Variants in TTN observed in about 807,000 individuals in gnomAD.
TTN encodes titin.
In TTN, 1,525 loss-of-function variants were observed where a neutral mutation model predicts 3,223.0. The observed-to-expected ratio is 0.47, with a 90% CI of 0.45 to 0.49. The LOEUF is 0.49. Among genes scored for constraint, TTN ranks in the 20% least tolerant of loss-of-function variants. TTN has a pLI of 0.00. For missense variants in TTN, 40,786 were observed against 43,424.0 expected (o/e 0.94, Z 5.40); for synonymous variants, 14,094 against 15,161.0 (o/e 0.93, Z 5.17).
intron 110 of TTN, 133 bp downstream of exon 110, chr2:178,701,395 C>G: frequency 9.6e-7 from 1 of 1,041,730 alleles, no homozygotes; most frequent in Non-Finnish European, 1.4e-6. Flanking sequence ...TCTAATTGCT[C>G]ACTGAAGAAT....
At position 178,664,028 on chromosome 2, in the gene TTN, G is replaced by C. The variant is rs1402566740; in HGVS notation, c.36351C>G (p.Val12117=). The change falls in exon 169 of 363, where the codon GTC becomes GTG. Residue 12117 remains valine (V), a synonymous_variant. Transcript: ENST00000589042. ...VSVVPPKKPE[V]PPVKVPEASK... The stretch of plus-strand genomic sequence containing the variant: ...AGTGACAAATACCTTTAACAGGTGG[G>C]ACTTCAGGCTTTTTAGGAGGCACCA... 6.2e-7 allele frequency: 1 copy of C among 1,613,222 alleles called. No individual in the cohort carries two copies. Among genetic ancestry groups the C allele is most frequent in the Non-Finnish European group, 8.5e-7 (1 of 1,179,708 alleles).
At position 178,717,151 on chromosome 2, in the gene TTN, C is replaced by T. The variant is rs1364963458; in HGVS notation, c.25583G>A (p.Cys8528Tyr). The stretch of plus-strand genomic sequence containing the variant: ...TTTTCCAGCGATGTTGCTTGCATAG[C>T]AGGTGTACTGCCCGGCATCGCCTTT... ...VGKGDAGQYT[C>Y]YASNIAGKDS... Residue 8528 changes from cysteine to tyrosine, a missense_variant, in exon 88 of 363, where the codon TGC (cysteine) becomes TAC (tyrosine). Coordinates refer to ENST00000589042, the MANE Select transcript of TTN (RefSeq NM_001267550.2). 6 of 1,613,576 alleles carry T rather than the reference C, an allele frequency of 3.7e-6. No homozygotes were observed. The highest frequency in any genetic ancestry group is 5.1e-6 in the Non-Finnish European group (6 of 1,179,622).
At position 178,611,154 on chromosome 2, in the gene TTN, C is replaced by A. The variant is rs1280875443; in HGVS notation, c.50975G>T (p.Gly16992Val). The change falls in exon 270 of 363, where the codon GGC (glycine) becomes GTC (valine). Residue 16992 changes from glycine to valine, a missense_variant. Gly to Val is a moderately radical substitution (Grantham distance 109). Coordinates refer to ENST00000589042, the MANE Select transcript of TTN (RefSeq NM_001267550.2). Reference sequence around the variant, plus strand: ...TCTATCACTTGCTTTAACTTCTTTGCCATCTTTATGCCAACTAACAGTTGG... The same window carrying A: ...TCTATCACTTGCTTTAACTTCTTTGACATCTTTATGCCAACTAACAGTTGG... ...PVPTVSWHKD[G>V]KEVKASDRLT... 1 of 1,612,734 alleles carries A rather than the reference C, an allele frequency of 6.2e-7. No individual in the cohort carries two copies. The highest frequency in any genetic ancestry group is 2.2e-5 in the East Asian group (1 of 44,624).
In TTN at chr2:178,620,349, G is replaced by A. The variant is rs775807236; in HGVS notation, c.46172C>T (p.Thr15391Ile). 5.6e-6 allele frequency: 9 copies of A among 1,604,308 alleles called. No homozygotes were observed. In the Middle Eastern group the frequency reaches 6.7e-4, roughly 119 times the overall value. Residue 15391 changes from threonine to isoleucine, a missense_variant, in exon 248 of 363, where the codon ACA (threonine) becomes ATA (isoleucine). Coordinates refer to ENST00000589042, the MANE Select transcript of TTN (RefSeq NM_001267550.2). ...ATCTTCCAAGTGTTCCACAAATTCT[G>A]TCGGGGCTTCTATGATGAGAAGCTC... ...VAELLIIEAP[T>I]EFVEHLEDQT...
At chr2:178,800,873 C>T (rs1479205662) in intron 3 of TTN, among the ~76,000 whole-genome samples, 191 bp from the exon 4 acceptor site, 5 of 152,244 alleles carry the variant, frequency 3.3e-5, no homozygotes, top group Non-Finnish European at 7.3e-5. Context: ...AGAAGGCTTT[C>T]TCACCACCAT....
chr2:178,685,480 C>T (rs1221738386), intron 128 of TTN, 38 bp downstream of exon 128: 1 of 1,578,868 alleles, frequency 6.3e-7, no homozygotes, highest in Admixed American at 1.8e-5. Flanking sequence ...AGGAGACAAG[C>T]TAACATAGGG....
chr2:178,686,113 A>ATTTTTTTTTTTT lies in TTN; in HGVS notation c.32312-527_32312-516dup, dbSNP rs765570520. 8.2e-4 allele frequency among the ~76,000 whole-genome samples: 64 copies of ATTTTTTTTTTTT among 77,802 alleles called. 9 individuals carry two copies. Among genetic ancestry groups the ATTTTTTTTTTTT allele is most frequent in the African/African-American group, 4.0e-3 (61 of 15,090 alleles). 51.0% of individuals were successfully genotyped at this position (77,802 alleles called of 152,430 possible). On this transcript the variant is annotated intron_variant, in intron 127 of 362. Transcript: ENST00000589042. The stretch of plus-strand genomic sequence containing the variant: ...TTGAGCCTAAGTGTATACAGTTTTA[A>ATTTTTTTTTTTT]TTTTTTTTTTTTTTTTTTTTTTTTT...
At chr2:178,726,194 T>C in intron 69 of TTN, 148 bp from the exon 70 acceptor site, 1 of 918,282 alleles carries the variant, frequency 1.1e-6, no homozygotes, top group South Asian at 2.8e-5. Context: ...GATAACAGCC[T>C]CAGAAGCCAT....
In TTN at chr2:178,621,615, A is replaced by G; in HGVS notation, c.45209T>C (p.Ile15070Thr). The change falls in exon 245 of 363, where the codon ATC becomes ACC. Residue 15070 changes from isoleucine (I) to threonine (T), a missense_variant. Coordinates refer to ENST00000589042, the MANE Select transcript of TTN (RefSeq NM_001267550.2). ...TATTTCATATCTTCCTGTTTCAATG[A>G]TCTCCTCATCCCCTTTATACCAAAT... ...EVIWYKGDEE[I>T]IETGRYEILT... is the part of the protein sequence containing the mutation. The G allele has an allele frequency of 6.2e-7, 1 of 1,612,412 alleles. No individual in the cohort carries two copies. Among genetic ancestry groups the G allele is most frequent in the Non-Finnish European group, 8.5e-7 (1 of 1,179,082 alleles).
At position 178,632,567 on chromosome 2, in the gene TTN, T is replaced by G; in HGVS notation, c.43439A>C (p.Glu14480Ala). The change falls in exon 235 of 363, where the codon GAA becomes GCA. Residue 14480 changes from glutamate (E) to alanine (A), a missense_variant. Physicochemically the swap from Glu to Ala is moderately radical, Grantham distance 107. Transcript: ENST00000589042. ...GCCACTTGTGTGCTTATCTTCAGCT[T>G]CAAACATGTATTTTGCTTCATCTTC... ...AFEDEAKYMF[E>A]AEDKHTSGKL... 6.2e-7 allele frequency: 1 copy of G among 1,613,408 alleles called. No individual in the cohort carries two copies. Among genetic ancestry groups the G allele is most frequent in the Non-Finnish European group, 8.5e-7 (1 of 1,179,564 alleles).
chr2:178,580,384 T>G lies in TTN; in HGVS notation c.66995A>C (p.Tyr22332Ser), dbSNP rs1481543528. Residue 22332 changes from tyrosine to serine, a missense_variant, in exon 317 of 363, where the codon TAT becomes TCT. By Grantham distance (144) the Tyr-to-Ser change is moderately radical. Transcript: ENST00000589042. ...ENVNKYDAGK[Y>S]ILTLENSCGK... ...ACAGCTGTTCTCCAGGGTTAAGATA[T>G]ATTTTCCTGCATCATATTTGTTCAC... The G allele has an allele frequency of 6.2e-7, 1 of 1,613,290 alleles. No homozygotes were observed. Among genetic ancestry groups the G allele is most frequent in the East Asian group, 2.2e-5 (1 of 44,788 alleles).
Position 178,547,805 on chromosome 2 carries a change from G to T in TTN, c.93821C>A (p.Thr31274Asn). 6.2e-7 allele frequency: 1 copy of T among 1,613,866 alleles called. No individual in the cohort carries two copies. The highest frequency in any genetic ancestry group is 8.5e-7 in the Non-Finnish European group (1 of 1,179,842). The part of the protein sequence containing the change: ...ITTTKDRTTL[T>N]VKDSMRGDSG... ...GTCACCTCTCATGCTGTCCTTTACA[G>T]TCAGTGTGGTTCTGTCTTTTGTTGT... Residue 31274 changes from threonine (T) to asparagine (N), a missense_variant, in exon 339 of 363, where the codon ACT becomes AAT. Transcript: ENST00000589042.
At position 178,645,994 on chromosome 2, in the gene TTN, A is replaced by C; in HGVS notation, c.40334T>G (p.Leu13445Arg). Residue 13445 changes from leucine to arginine, a missense_variant, in exon 217 of 363, where the codon CTC becomes CGC. Leu to Arg is a moderately radical substitution (Grantham distance 102). Coordinates refer to ENST00000589042, the MANE Select transcript of TTN (RefSeq NM_001267550.2). ...EPEKVIEKPK[L>R]KPRPPPPPPA... ...TGGAGGAGGTGGGGGTCTTGGTTTG[A>C]GTTTTGGCTTCTCAATAACCTTTTC... is the stretch of plus-strand genomic sequence containing the variant. 7.0e-6 allele frequency: 11 copies of C among 1,581,808 alleles called. No homozygotes were observed. The highest frequency in any genetic ancestry group is 9.4e-6 in the Non-Finnish European group (11 of 1,167,310).
At chr2:178,769,562 C>G (rs1273507912) in intron 37 of TTN, 117 bp downstream of exon 37, 4 of 894,478 alleles carry the variant, frequency 4.5e-6, no homozygotes, top group Non-Finnish European at 4.5e-6. Context: ...CCCTGCCCAC[C>G]CAATCAAGGA....
rs727504623 is a variant in TTN at position 178,724,483 on chromosome 2, C to G, written c.20892G>C (p.Thr6964=). 1 of 1,612,238 alleles carries G rather than the reference C, an allele frequency of 6.2e-7. No homozygotes were observed. The highest frequency in any genetic ancestry group is 1.1e-5 in the South Asian group (1 of 90,956). The change falls in exon 72 of 363, where the codon ACG becomes ACC. Residue 6964 remains threonine, a synonymous_variant. Coordinates refer to ENST00000589042, the MANE Select transcript of TTN (RefSeq NM_001267550.2). ...AGPMTVTVGE[T]CTLECKVAGT... ...CAGCCACCTTACACTCCAGAGTGCA[C>G]GTTTCTCCTACAGTCACCGTCATCG...
chr2:178,773,650 G>A lies in TTN; in HGVS notation c.7406C>T (p.Ser2469Leu), dbSNP rs2091848374. The A allele has an allele frequency of 6.2e-7, 1 of 1,614,038 alleles. No homozygotes were observed. ...GTKAVLECKV[S>L]VPDVTSVKWY... The stretch of plus-strand genomic sequence containing the variant: ...CTTAACAGAAGTCACATCAGGGACT[G>A]ACACCTTACATTCAAGCACAGCCTT... The change falls in exon 32 of 363, where the codon TCA (serine) becomes TTA (leucine). Residue 2469 changes from serine to leucine, a missense_variant. Coordinates refer to ENST00000589042, the MANE Select transcript of TTN (RefSeq NM_001267550.2).
In TTN at chr2:178,720,103, T is replaced by C. The variant is rs1268176947; in HGVS notation, c.23539A>G (p.Ile7847Val). The C allele has an allele frequency of 5.0e-6, 8 of 1,613,678 alleles. No individual in the cohort carries two copies. Among genetic ancestry groups the C allele is most frequent in the Middle Eastern group, 1.6e-4 (1 of 6,082 alleles). Residue 7847 changes from isoleucine to valine, a missense_variant, in exon 81 of 363, where the codon ATT becomes GTT. Coordinates refer to ENST00000589042, the MANE Select transcript of TTN (RefSeq NM_001267550.2). ...AGCTGGAGGGTTGCAATGTTATCAA[T>C]GAATGAAATCCTGGTATTTTCACTC... ...RESENTRISF[I>V]DNIATLQLGS...
chr2:178,674,898 C>A, intron 150 of TTN, 141 bp downstream of exon 150: 1 of 459,614 alleles, frequency 2.2e-6, no homozygotes, highest in Non-Finnish European at 3.7e-6. Flanking sequence ...TGCCCAATTT[C>A]TATTAGGTTA....
Position 178,636,734 on chromosome 2 carries a change from C to T in TTN, c.40993G>A (p.Gly13665Arg). Residue 13665 changes from glycine (G) to arginine (R), a missense_variant, in exon 225 of 363, where the codon GGA (glycine) becomes AGA (arginine). Gly to Arg is a moderately radical substitution (Grantham distance 125). Coordinates refer to ENST00000589042, the MANE Select transcript of TTN (RefSeq NM_001267550.2). This position sits in a 1 kb window ranked among gnomAD's most constrained non-coding sequence, Gnocchi z 4.3. ...GGGGCTTCATCAGGAGGTTTCTCTCCACCACTTCCTGGCCTTAACTTTCTC... is the reference window on the plus strand; with the variant it reads ...GGGGCTTCATCAGGAGGTTTCTCTCTACCACTTCCTGGCCTTAACTTTCTC... Reference protein sequence around the residue: ...ERRKLRPGSGGEKPPDEAPFT... With the variant: ...ERRKLRPGSGREKPPDEAPFT... 1 of 1,612,520 alleles carries T rather than the reference C, an allele frequency of 6.2e-7. No homozygotes were observed. Among genetic ancestry groups the T allele is most frequent in the South Asian group, 1.1e-5 (1 of 91,028 alleles).
Sources: gnomAD v4.1 joint callset for allele counts (sites outside exome capture counted in the v4.1 genomes callset) on GRCh38, gnomAD v4.1.1 for gene constraint, Gnocchi (gnomAD v3.1) non-coding constraint, MANE v1.5 for transcripts, NCBI Gene and HGNC (gene_info 2026-07-23, HGNC 2026-07-21) for gene names.